ZCCHC14: variants seen among roughly 807,000 people sequenced by gnomAD.
ZCCHC14 encodes zinc finger CCHC domain-containing protein 14.
A neutral mutation model predicts 85.0 loss-of-function variants in ZCCHC14; 16 were observed. The ratio of observed to expected loss-of-function variants is 0.19; its 90% CI spans 0.13 to 0.29. The LOEUF (loss-of-function observed/expected upper bound fraction) is 0.29, where lower values mean the gene tolerates loss of function less well. ZCCHC14 is among the 10% of genes least tolerant of loss of function. ZCCHC14 has a pLI of 1.00. For missense variants in ZCCHC14, 1,303 were observed against 1,443.5 expected (o/e 0.90, Z 1.58); for synonymous variants, 775 against 630.7 (o/e 1.23, Z -3.43).
chr16:87,456,400 G>A (rs986290220), intron 2 of ZCCHC14, among the ~76,000 whole-genome samples: 2 of 151,818 alleles, frequency 1.3e-5, no homozygotes, highest in Non-Finnish European at 2.9e-5. Context: ...CGTGGTGGCC[G>A]GCACCTGTAG....
chr16:87,412,713 G>T lies in ZCCHC14; in HGVS notation c.2008C>A (p.Leu670Ile), dbSNP rs1270229849. The change falls in exon 12 of 13, where the codon CTT becomes ATT. Residue 670 changes from leucine to isoleucine, a missense_variant. Leu to Ile is a conservative substitution (Grantham distance 5, BLOSUM62 2). Transcript: ENST00000671377. ...MKLLSSSVHS[L>I]LSLEERNKGS... Reference sequence around the variant, plus strand: ...TTATTCCTTTCTTCTAGAGACAAAAGTGAGTGCACAGAAGACGAGAGGAGC... The same window carrying T: ...TTATTCCTTTCTTCTAGAGACAAAATTGAGTGCACAGAAGACGAGAGGAGC... The T allele has an allele frequency of 1.2e-6, 2 of 1,614,082 alleles. No homozygotes were observed. The highest frequency in any genetic ancestry group is 2.7e-5 in the African/African-American group (2 of 74,924).
rs113903490 is a variant in ZCCHC14, at chr16:87,476,806, C to G, written c.570+14863G>C. ...GGCTGACGGTCATACCGCACAAACCCGCATCAAGGCTTACTGCTTCTGTCA... is the reference window on the plus strand; with the variant it reads ...GGCTGACGGTCATACCGCACAAACCGGCATCAAGGCTTACTGCTTCTGTCA... On this transcript the variant is annotated intron_variant, in intron 1 of 12. Coordinates refer to ENST00000671377, the MANE Select transcript of ZCCHC14 (RefSeq NM_015144.3). 3.1e-3 allele frequency among the ~76,000 whole-genome samples: 477 copies of G among 151,880 alleles called. 4 individuals carry two copies. The highest frequency in any genetic ancestry group is 0.011 in the African/African-American group (455 of 41,396).
At chr16:87,451,980 T>C (rs1361960548) in intron 2 of ZCCHC14, among the ~76,000 whole-genome samples, 2 of 152,234 alleles carry the variant, frequency 1.3e-5, no homozygotes, top group Non-Finnish European at 2.9e-5. Flanking sequence ...CGGCTCTCCC[T>C]GCACGGCACG....
chr16:87,421,286 G>A (rs8043551), intron 4 of ZCCHC14, among the ~76,000 whole-genome samples: 16,475 of 152,214 alleles, frequency 0.11, 2,938 homozygotes, highest in African/African-American at 0.37. Context: ...CCCTTAAGAC[G>A]TTGCAGGAGG....
chr16:87,452,765 GC>G (rs1910766318), intron 2 of ZCCHC14, among the ~76,000 whole-genome samples: 1 of 149,416 alleles, frequency 6.7e-6, no homozygotes, highest in Non-Finnish European at 1.5e-5. Flanking sequence ...CTGCTTGTCA[GC>G]TGAGGAGCCC....
At chr16:87,441,475 ATTGT>A (rs1254527737) in intron 2 of ZCCHC14, among the ~76,000 whole-genome samples, 4 of 151,642 alleles carry the variant, frequency 2.6e-5, no homozygotes, top group African/African-American at 7.3e-5. Flanking sequence ...ATTCATATTT[ATTGT>A]TTAAGTCTGT....
chr16:87,412,882 A>C lies in ZCCHC14; in HGVS notation c.1839T>G (p.Val613=), dbSNP rs1302411354. The part of the protein sequence containing the change: ...TSSSARPTAQ[V]LPVQNEASSN... ...AGCTGGCCTCATTCTGCACAGGGAGAACCTGGGCCGTGGGTCTGGCGGAAC... is the reference window on the plus strand; with the variant it reads ...AGCTGGCCTCATTCTGCACAGGGAGCACCTGGGCCGTGGGTCTGGCGGAAC... Residue 613 remains valine, a synonymous_variant, in exon 12 of 13, where the codon GTT becomes GTG. Transcript: ENST00000671377. 1 of 1,604,966 alleles carries C rather than the reference A, an allele frequency of 6.2e-7. No homozygotes were observed. Among genetic ancestry groups the C allele is most frequent in the Non-Finnish European group, 8.5e-7 (1 of 1,174,972 alleles).
At chr16:87,462,603 G>C (rs1234995032) in intron 1 of ZCCHC14, among the ~76,000 whole-genome samples, 1 of 152,024 alleles carries the variant, frequency 6.6e-6, no homozygotes, top group Admixed American at 6.5e-5. Flanking sequence ...AGCCAGGCAT[G>C]GTGGCGGGTG....
chr16:87,428,800 T>C (rs1909502988), intron 3 of ZCCHC14, among the ~76,000 whole-genome samples: 1 of 152,264 alleles, frequency 6.6e-6, no homozygotes, highest in Non-Finnish European at 1.5e-5. Context: ...GTATAAACTT[T>C]TTGGAAGGAG....
At chr16:87,484,877 T>C (rs1240787843) in intron 1 of ZCCHC14, among the ~76,000 whole-genome samples, 1 of 151,948 alleles carries the variant, frequency 6.6e-6, no homozygotes, top group Non-Finnish European at 1.5e-5. Context: ...AAAGATTGGA[T>C]TGAAGGAGGG....
intron 2 of ZCCHC14, among the ~76,000 whole-genome samples, chr16:87,453,662 G>A (rs573043515): frequency 1.3e-5 from 2 of 152,316 alleles, no homozygotes; most frequent in Admixed American, 6.5e-5. Flanking sequence ...CAGAAGCCTC[G>A]ACCTTGTCCA....
chr16:87,453,308 A>G (rs1228485655), intron 2 of ZCCHC14, among the ~76,000 whole-genome samples: 5 of 152,218 alleles, frequency 3.3e-5, no homozygotes, highest in Non-Finnish European at 5.9e-5. Context: ...GATTCTGGGG[A>G]AAAAAATGTA....
At chr16:87,481,560 A>AGGGGGGGG (rs1912280357) in intron 1 of ZCCHC14, among the ~76,000 whole-genome samples, 1 of 14,934 alleles carries the variant, frequency 6.7e-5, no homozygotes, top group African/African-American at 2.2e-4. Flanking sequence ...GGGAAGGGTA[A>AGGGGGGGG]GCGGGAGGGG....
At chr16:87,457,550 G>C (rs761019061) in intron 2 of ZCCHC14, among the ~76,000 whole-genome samples, 1 of 152,190 alleles carries the variant, frequency 6.6e-6, no homozygotes, top group African/African-American at 2.4e-5. Flanking sequence ...CATGTGCTTG[G>C]ACTGTTGTTC....
rs1908463159 is a variant in ZCCHC14 at position 87,411,868 on chromosome 16, G to A, written c.2853C>T (p.Phe951=). The A allele has an allele frequency of 1.9e-6, 3 of 1,605,256 alleles. No homozygotes were observed. Among genetic ancestry groups the A allele is most frequent in the Non-Finnish European group, 2.5e-6 (3 of 1,176,578 alleles). The change falls in exon 12 of 13, where the codon TTC becomes TTT. Residue 951 remains phenylalanine, a synonymous_variant. Transcript: ENST00000671377. The part of the protein sequence containing the change: ...VSYANYFQHP[F]SGPSVFTFPF... ...GGAAGGTGAACACGGACGGACCGGA[G>A]AACGGGTGCTGGAAGTAGTTGGCGT...
intron 3 of ZCCHC14, among the ~76,000 whole-genome samples, chr16:87,430,338 G>T (rs1909590087): frequency 6.6e-6 from 1 of 152,122 alleles, no homozygotes; most frequent in African/African-American, 2.4e-5. Flanking sequence ...GCCTGTGCGT[G>T]TGAGTCTGTC....
chr16:87,410,740 GCGCCTGTCAACCCACCT>G (rs1472230929), intron 12 of ZCCHC14, among the ~76,000 whole-genome samples: 2 of 152,218 alleles, frequency 1.3e-5, no homozygotes, highest in East Asian at 1.9e-4. Flanking sequence ...GCATGGCAGA[GCGCCTGTCAACCCACCT>G]TGCCTGCAGG....
At chr16:87,484,761 G>C (rs1912438967) in intron 1 of ZCCHC14, among the ~76,000 whole-genome samples, 1 of 152,166 alleles carries the variant, frequency 6.6e-6, no homozygotes, top group East Asian at 1.9e-4. Context: ...GGTTTTGTTG[G>C]CTGGTAGAGG....
At chr16:87,423,472 G>A (rs1287971995) in intron 4 of ZCCHC14, among the ~76,000 whole-genome samples, 1 of 152,226 alleles carries the variant, frequency 6.6e-6, no homozygotes, top group African/African-American at 2.4e-5. Context: ...ACCTGAGCAT[G>A]CCTCTCTCCC....
Sources: allele counts gnomAD v4.1 joint callset (sites outside exome capture counted in the v4.1 genomes callset), GRCh38; gene constraint gnomAD v4.1.1; transcripts MANE v1.5; gene names NCBI Gene and HGNC (gene_info 2026-07-23, HGNC 2026-07-21).